The following NBDY variants were observed in gnomAD, a reference collection of about 807,000 sequenced individuals.
The protein encoded by NBDY is P-body dissociating protein.
At chrX:56,733,364 G>T (rs1602646812) in intron 2 of NBDY, among the ~76,000 whole-genome samples, 1 of 109,660 alleles carries the variant, frequency 9.1e-6, no homozygotes. Flanking sequence ...CAGTCATCTG[G>T]TATGTATAAA....
intron 2 of NBDY, among the ~76,000 whole-genome samples, chrX:56,803,830 G>GA (rs2069836285): frequency 8.9e-6 from 1 of 111,970 alleles, no homozygotes; most frequent in South Asian, 3.8e-4. Flanking sequence ...AAAAAGAAAA[G>GA]AAAGAAAGAA....
chrX:56,767,566 C>T (rs1185003732), intron 2 of NBDY, among the ~76,000 whole-genome samples: 2 of 113,191 alleles, frequency 1.8e-5, no homozygotes, highest in African/African-American at 6.4e-5. Flanking sequence ...GGCATGAGCT[C>T]GGCGGGCCCC....
chrX:56,801,127 G>A (rs2069820450), intron 2 of NBDY, among the ~76,000 whole-genome samples: 1 of 111,375 alleles, frequency 9.0e-6, no homozygotes, highest in Non-Finnish European at 1.9e-5. Context: ...ACTCGGAAAA[G>A]AACCCATCAA....
At position 56,730,083 on chromosome X, in the gene NBDY, G is replaced by A. The variant is rs967426697; in HGVS notation, c.*29+494G>A. On this transcript the variant is annotated intron_variant, in intron 1 of 2. Transcript: ENST00000374922. Reference sequence around the variant, plus strand: ...TGTATGTCTTTCTCTGTGTAAGGCAGGAGAGTTGAATTTTTTTTTTTAAAG... The same window carrying A: ...TGTATGTCTTTCTCTGTGTAAGGCAAGAGAGTTGAATTTTTTTTTTTAAAG... Among the ~76,000 whole-genome samples the A allele has an allele frequency of 2.7e-5, 3 of 110,340 alleles. No homozygotes were observed. The Admixed American group carries it at 2.9e-4, about 11-fold the overall frequency.
chrX:56,792,354 C>T (rs2069769169), intron 2 of NBDY, among the ~76,000 whole-genome samples: 1 of 111,037 alleles, frequency 9.0e-6, no homozygotes, highest in Non-Finnish European at 1.9e-5. Flanking sequence ...TCCTCTGTCT[C>T]TTTTTTTTCC....
At chrX:56,808,509 T>G (rs1214078373) in intron 2 of NBDY, among the ~76,000 whole-genome samples, 1 of 112,466 alleles carries the variant, frequency 8.9e-6, no homozygotes, top group African/African-American at 3.2e-5. Flanking sequence ...GTCCAGGAAC[T>G]TATCCATTTC....
At chrX:56,811,798 A>T (rs1741341089) in intron 2 of NBDY, among the ~76,000 whole-genome samples, 1 of 110,759 alleles carries the variant, frequency 9.0e-6, no homozygotes, top group Non-Finnish European at 1.9e-5. Context: ...AGTGCCACTG[A>T]GGCATGAAAA....
At chrX:56,761,532 G>A (rs1213283788) in intron 2 of NBDY, among the ~76,000 whole-genome samples, 1 of 113,346 alleles carries the variant, frequency 8.8e-6, no homozygotes, top group Non-Finnish European at 1.9e-5. Context: ...GGTCACTCGG[G>A]TTGCCACCTG....
intron 1 of NBDY, among the ~76,000 whole-genome samples, chrX:56,731,558 G>A (rs1416470571): frequency 9.1e-6 from 1 of 109,796 alleles, no homozygotes; most frequent in Non-Finnish European, 1.9e-5. Context: ...GCGACAGACC[G>A]GGACTCGGTG....
intron 2 of NBDY, among the ~76,000 whole-genome samples, chrX:56,741,293 A>G (rs761408195): frequency 2.4e-4 from 27 of 111,969 alleles, no homozygotes; most frequent in Non-Finnish European, 3.4e-4. Flanking sequence ...GCAGTGCTGC[A>G]ACAAACATGG....
intron 2 of NBDY, among the ~76,000 whole-genome samples, chrX:56,764,313 C>A (rs2069654553): frequency 8.9e-6 from 1 of 112,100 alleles, no homozygotes; most frequent in African/African-American, 3.2e-5. Context: ...GAGTAAACGG[C>A]CCCCGTCTCG....
intron 2 of NBDY, 135 bp downstream of exon 2, chrX:56,732,334 A>G: frequency 3.7e-6 from 1 of 273,553 alleles, no homozygotes; most frequent in Non-Finnish European, 6.4e-6. Context: ...TCTACATTAT[A>G]TGAAAACATA....
At chrX:56,805,851 G>A (rs1008300410) in intron 2 of NBDY, among the ~76,000 whole-genome samples, 12 of 111,053 alleles carry the variant, frequency 1.1e-4, no homozygotes, top group Non-Finnish European at 2.1e-4. Flanking sequence ...TTAAAGTTCT[G>A]GGGTACATGT....
At chrX:56,800,756 C>A (rs1251185240) in intron 2 of NBDY, among the ~76,000 whole-genome samples, 3 of 111,232 alleles carry the variant, frequency 2.7e-5, no homozygotes, top group Middle Eastern at 8.4e-3. Flanking sequence ...GATCAGCCTG[C>A]AAAAGCAGGG....
At chrX:56,742,807 C>G (rs1293561467) in intron 2 of NBDY, among the ~76,000 whole-genome samples, 1 of 111,385 alleles carries the variant, frequency 9.0e-6, no homozygotes, top group Non-Finnish European at 1.9e-5. Flanking sequence ...AATTTGGATG[C>G]CCTTAATTTC....
intron 2 of NBDY, among the ~76,000 whole-genome samples, chrX:56,801,420 G>A (rs893477402): frequency 9.2e-6 from 1 of 108,243 alleles, no homozygotes; most frequent in Non-Finnish European, 1.9e-5. Context: ...GGCTCTTGGC[G>A]GGTCAAGCAT....
intron 2 of NBDY, among the ~76,000 whole-genome samples, chrX:56,807,361 G>T: frequency 9.0e-6 from 1 of 111,554 alleles, no homozygotes; most frequent in Middle Eastern, 4.6e-3. Flanking sequence ...GAGAGTCAGG[G>T]GTAGCTTGAT....
intron 2 of NBDY, among the ~76,000 whole-genome samples, chrX:56,809,054 T>G (rs1332008862): frequency 8.9e-6 from 1 of 112,705 alleles, no homozygotes; most frequent in African/African-American, 3.2e-5. Context: ...TCAGTTTTCA[T>G]GTAGCTGTGC....
intron 2 of NBDY, among the ~76,000 whole-genome samples, chrX:56,764,139 G>A (rs920358383): frequency 6.2e-5 from 7 of 112,157 alleles, no homozygotes; most frequent in African/African-American, 2.3e-4. Flanking sequence ...GCAGGTAGGG[G>A]CGACCCACCA....
Sources: gnomAD v4.1 joint callset for allele counts (sites outside exome capture counted in the v4.1 genomes callset) on GRCh38, gnomAD v4.1.1 for gene constraint, MANE v1.5 for transcripts, NCBI Gene and HGNC (gene_info 2026-07-23, HGNC 2026-07-21) for gene names.